CCBE1: variants seen among roughly 807,000 people sequenced by gnomAD.
The protein encoded by CCBE1 is collagen and calcium-binding EGF domain-containing protein 1.
CCBE1 carries 37 observed loss-of-function variants against 50.0 expected under a neutral mutation model. The ratio of observed to expected loss-of-function variants is 0.74; its 90% CI spans 0.57 to 0.97. The LOEUF is 0.97. Ranked by LOEUF, CCBE1 falls within the 50% of genes least tolerant of loss-of-function variation. The probability of loss-of-function intolerance (pLI) is 0.00; values close to 1 mark genes in which losing one functional copy is unlikely to be tolerated. For synonymous variants in CCBE1, 234 were observed against 203.7 expected (o/e 1.15, Z -1.27); for missense variants, 538 against 523.8 (o/e 1.03, Z -0.26).
Position 59,431,067 on chromosome 18 carries a change from C to A in CCBE1, c.*4841G>T, listed in dbSNP as rs911665642. On this transcript the variant is annotated 3_prime_UTR_variant, in exon 11 of 11. Transcript: ENST00000439986. ...CTGTTACAAATAATGAACAACAGAG[C>A]TACTCCAGTATATGACTAGTCACTG... 7 of 152,308 alleles carry A rather than the reference C, an allele frequency of 4.6e-5. No individual in the cohort carries two copies. Among genetic ancestry groups the A allele is most frequent in the African/African-American group, 1.7e-4 (7 of 41,562 alleles). The allele number at this position is 152,308 out of a possible 1,614,324, so 9.4% of individuals were successfully genotyped here.
intron 2 of CCBE1, among the ~76,000 whole-genome samples, chr18:59,549,647 A>C (rs1915841774): frequency 6.6e-6 from 1 of 152,154 alleles, no homozygotes; most frequent in East Asian, 1.9e-4. Context: ...AGAACACACC[A>C]ATTATTATAT....
intron 2 of CCBE1, among the ~76,000 whole-genome samples, chr18:59,667,955 A>T (rs1407716617): frequency 6.6e-6 from 1 of 152,158 alleles, no homozygotes; most frequent in Non-Finnish European, 1.5e-5. Flanking sequence ...GGAGAGGAAC[A>T]TCACACACCG....
chr18:59,599,625 T>C (rs2053404611), intron 2 of CCBE1, among the ~76,000 whole-genome samples: 1 of 152,214 alleles, frequency 6.6e-6, no homozygotes, highest in East Asian at 1.9e-4. Flanking sequence ...CACAATTTGC[T>C]ATCAGATCTG....
At chr18:59,602,241 G>A (rs191446628) in intron 2 of CCBE1, among the ~76,000 whole-genome samples, 10 of 152,132 alleles carry the variant, frequency 6.6e-5, no homozygotes, top group South Asian at 4.1e-4. Context: ...AATGGCAGAG[G>A]ATACTGGAGC....
rs1323349821 is a variant in CCBE1, at chr18:59,633,114, T to C, written c.212+63515A>G. Among the ~76,000 whole-genome samples, 3 of 152,344 alleles carry C rather than the reference T, an allele frequency of 2.0e-5. No homozygotes were observed. The East Asian group carries it at 5.8e-4, about 29-fold the overall frequency. ...GCACAGCTCTCAATAACTCACACTTTGGGAGCTCGCAGGGAGAGTATCTTG... is the reference window on the plus strand; with the variant it reads ...GCACAGCTCTCAATAACTCACACTTCGGGAGCTCGCAGGGAGAGTATCTTG... On this transcript the variant is annotated intron_variant, in intron 2 of 10. Transcript: ENST00000439986.
intron 2 of CCBE1, among the ~76,000 whole-genome samples, chr18:59,659,185 A>G (rs2054248853): frequency 6.6e-6 from 1 of 152,210 alleles, no homozygotes; most frequent in South Asian, 2.1e-4. Context: ...CGTTCTATGT[A>G]AGTACTGAGG....
intron 2 of CCBE1, among the ~76,000 whole-genome samples, chr18:59,505,639 T>G (rs1181060599): frequency 2.0e-5 from 3 of 152,214 alleles, no homozygotes; most frequent in African/African-American, 4.8e-5. Flanking sequence ...TCTAAAATAA[T>G]TTATAAAGAC....
chr18:59,447,655 T>A (rs1378258152), intron 7 of CCBE1, among the ~76,000 whole-genome samples: 1 of 152,192 alleles, frequency 6.6e-6, no homozygotes, highest in Non-Finnish European at 1.5e-5. Flanking sequence ...TACTGTTCCA[T>A]TTTTGTATAT....
At chr18:59,610,645 G>A (rs778339078) in intron 2 of CCBE1, among the ~76,000 whole-genome samples, 44 of 152,334 alleles carry the variant, frequency 2.9e-4, no homozygotes, top group Non-Finnish European at 5.4e-4. Context: ...GGCCTTGTCT[G>A]ACCTGTTTTC....
chr18:59,524,470 C>A (rs146317184), intron 2 of CCBE1, among the ~76,000 whole-genome samples: 1 of 152,300 alleles, frequency 6.6e-6, no homozygotes, highest in African/African-American at 2.4e-5. Context: ...CCTTTGCATT[C>A]TATCCTTCAA....
chr18:59,644,825 A>T (rs564201012), intron 2 of CCBE1, among the ~76,000 whole-genome samples: 1 of 152,354 alleles, frequency 6.6e-6, no homozygotes, highest in South Asian at 2.1e-4. Context: ...ACATTTTAAA[A>T]AAGTCATTTA....
At chr18:59,686,088 T>C (rs2054649500) in intron 2 of CCBE1, 1 of 152,224 alleles carries the variant, frequency 6.6e-6, no homozygotes, top group South Asian at 2.1e-4. Context: ...TATTCTTCAA[T>C]GATGAACAGA....
intron 7 of CCBE1, 124 bp from the exon 8 acceptor site, chr18:59,439,940 A>G (rs909607794): frequency 6.0e-6 from 6 of 1,007,532 alleles, no homozygotes; most frequent in African/African-American, 1.6e-5. Flanking sequence ...GCCTTCTGAC[A>G]TCTCCATCAG....
At chr18:59,541,391 A>AAAT (rs1915460214) in intron 2 of CCBE1, among the ~76,000 whole-genome samples, 1 of 152,232 alleles carries the variant, frequency 6.6e-6, no homozygotes, top group African/African-American at 2.4e-5. Context: ...ATTCTACATT[A>AAAT]AATAATTTAA....
At chr18:59,638,495 G>A (rs1287539414) in intron 2 of CCBE1, among the ~76,000 whole-genome samples, 1 of 152,322 alleles carries the variant, frequency 6.6e-6, no homozygotes, top group Admixed American at 6.5e-5. Flanking sequence ...TAGACCCACT[G>A]AATCAGAAAC....
chr18:59,578,988 T>A (rs2053044025), intron 2 of CCBE1, among the ~76,000 whole-genome samples: 1 of 152,160 alleles, frequency 6.6e-6, no homozygotes, highest in African/African-American at 2.4e-5. Context: ...AAAAAAAATG[T>A]AAAGACATAA....
At chr18:59,682,925 G>GC (rs551481416) in intron 2 of CCBE1, among the ~76,000 whole-genome samples, 53 of 152,174 alleles carry the variant, frequency 3.5e-4, no homozygotes, top group Middle Eastern at 3.4e-3. Context: ...TTCTTCTTGT[G>GC]CCCCCCCTTC....
chr18:59,573,820 A>T (rs2144492469), intron 2 of CCBE1, among the ~76,000 whole-genome samples: 1 of 152,300 alleles, frequency 6.6e-6, no homozygotes, highest in Non-Finnish European at 1.5e-5. Flanking sequence ...CCATGATTCC[A>T]TTTGGTATAT....
At chr18:59,683,247 G>A (rs1037389981) in intron 2 of CCBE1, among the ~76,000 whole-genome samples, 16 of 152,140 alleles carry the variant, frequency 1.1e-4, no homozygotes, top group African/African-American at 3.1e-4. Flanking sequence ...CAAGACAAAC[G>A]CAGACATCAC....
Sources: gnomAD v4.1 joint callset for allele counts (sites outside exome capture counted in the v4.1 genomes callset) on GRCh38, gnomAD v4.1.1 for gene constraint, MANE v1.5 for transcripts, NCBI Gene and HGNC (gene_info 2026-07-23, HGNC 2026-07-21) for gene names.